Variants in ZPBP2 observed in about 807,000 individuals in gnomAD.
ZPBP2 encodes zona pellucida-binding protein 2.
ZPBP2 carries 34 observed loss-of-function variants against 37.5 expected under a neutral mutation model. The ratio of observed to expected loss-of-function variants is 0.91; its 90% CI spans 0.69 to 1.21. The LOEUF (loss-of-function observed/expected upper bound fraction) is 1.21. Ranked by LOEUF, ZPBP2 falls within the 50% of genes most tolerant of loss-of-function variation. The pLI, the probability that ZPBP2 is intolerant of heterozygous loss-of-function variation, is 0.00. For missense variants in ZPBP2, 397 were observed against 413.5 expected, an observed-to-expected ratio of 0.96 and a Z score of 0.35; for synonymous variants, 143 against 138.4, an observed-to-expected ratio of 1.03 and a Z score of -0.23.
chr17:39,875,639 C>T lies in ZPBP2; in HGVS notation c.889+205C>T, dbSNP rs1044899733. 2.6e-5 allele frequency among the ~76,000 whole-genome samples: 4 copies of T among 151,170 alleles called. No homozygotes were observed. The South Asian group carries it at 6.3e-4, about 24-fold the overall frequency. ...TTTGAGATAGAGTCTCACTCTTTCA[C>T]CCATGCTGGAGTGCAGTGGCGTCAT... On this transcript the variant is annotated intron_variant, in intron 7 of 7. Transcript: ENST00000348931.
chr17:39,875,209 C>A, intron 6 of ZPBP2, 45 bp from the exon 7 acceptor site: 1 of 1,559,528 alleles, frequency 6.4e-7, no homozygotes, highest in Non-Finnish European at 8.7e-7. Flanking sequence ...AAATTTGGTT[C>A]ATGGTTTAGT....
chr17:39,868,283 A>T lies in ZPBP2; in HGVS notation c.-72A>T. On this transcript the variant is annotated 5_prime_UTR_variant, in exon 1 of 8. Coordinates refer to ENST00000348931, the MANE Select transcript of ZPBP2 (RefSeq NM_199321.3). ...GCTCCGCACTGTGGAGGAGGTGGGG[A>T]GGTGTTGGGCCAGGGCTGAGGTAGG... 6.5e-7 allele frequency: 1 copy of T among 1,543,502 alleles called. No individual in the cohort carries two copies. The highest frequency in any genetic ancestry group is 8.8e-7 in the Non-Finnish European group (1 of 1,134,642).
At chr17:39,874,157 AATTTTTTGTGTTTTT>A (rs2144644565) in intron 6 of ZPBP2, among the ~76,000 whole-genome samples, 2 of 151,750 alleles carry the variant, frequency 1.3e-5, no homozygotes, top group South Asian at 4.2e-4. Context: ...ACACCCGGCT[AATTTTTTGTGTTTTT>A]ATCAGAGACG....
At chr17:39,876,524 C>T (rs374357260) in intron 7 of ZPBP2, among the ~76,000 whole-genome samples, 158 bp from the exon 8 acceptor site, 1 of 152,100 alleles carries the variant, frequency 6.6e-6, no homozygotes, top group South Asian at 2.1e-4. Flanking sequence ...ACATAATCTT[C>T]CACAACTTAA....
chr17:39,869,390 T>TTTCTTTCC (rs1555647286), intron 2 of ZPBP2, among the ~76,000 whole-genome samples: 3 of 135,608 alleles, frequency 2.2e-5, no homozygotes, highest in Non-Finnish European at 3.1e-5. Flanking sequence ...TCTTTCTTTC[T>TTTCTTTCC]TTCCTTCCTT....
At position 39,868,329 on chromosome 17, in the gene ZPBP2, C is replaced by T. The variant is rs2063344987; in HGVS notation, c.-26C>T. 2 of 1,605,454 alleles carry T rather than the reference C, an allele frequency of 1.2e-6. No individual in the cohort carries two copies. Among genetic ancestry groups the T allele is most frequent in the African/African-American group, 1.3e-5 (1 of 74,898 alleles). On this transcript the variant is annotated 5_prime_UTR_variant, in exon 1 of 8. Transcript: ENST00000348931. Reference sequence around the variant, plus strand: ...GTAGGAGGGAGTCTGTCCCTCGACGCCTCCTGCGACGCCAGCCCCTGAGCG... The same window carrying T: ...GTAGGAGGGAGTCTGTCCCTCGACGTCTCCTGCGACGCCAGCCCCTGAGCG...
At chr17:39,868,708 C>A in intron 2 of ZPBP2, 94 bp downstream of exon 2, 1 of 1,431,590 alleles carries the variant, frequency 7.0e-7, no homozygotes, top group Non-Finnish European at 9.8e-7. Context: ...GGGAACGAGC[C>A]AGCGTTTATT....
In ZPBP2 at chr17:39,870,692, A is replaced by G. The variant is rs769785750; in HGVS notation, c.119-2A>G. 3 of 1,395,242 alleles carry G rather than the reference A, an allele frequency of 2.2e-6. No individual in the cohort carries two copies. The highest frequency in any genetic ancestry group is 2.9e-6 in the Non-Finnish European group (3 of 1,039,242). The allele number at this position is 1,395,242 out of a possible 1,614,324, so 86.4% of individuals were successfully genotyped here. On this transcript the variant is annotated splice_acceptor_variant, in intron 2 of 7. Transcript: ENST00000348931. LOFTEE classifies it high-confidence loss of function. Reference sequence around the variant, plus strand: ...GTTATACATTATTTTATTTCATCACAGACAAAATATATGTAGAGTTACATC... The same window carrying G: ...GTTATACATTATTTTATTTCATCACGGACAAAATATATGTAGAGTTACATC...
At position 39,870,776 on chromosome 17, in the gene ZPBP2, C is replaced by A; in HGVS notation, c.201C>A (p.Asp67Glu). 6.4e-7 allele frequency: 1 copy of A among 1,567,476 alleles called. No homozygotes were observed. The highest frequency in any genetic ancestry group is 1.3e-5 in the African/African-American group (1 of 74,514). The stretch of plus-strand genomic sequence containing the variant: ...AGCTTTCTAAAAAAGAAATAGTGGA[C>A]CCCACCTACTTATGGATTGGGCCTA... ...DFKLSKKEIV[D>E]PTYLWIGPNE... is the part of the protein sequence containing the mutation. Residue 67 changes from aspartate (D) to glutamate (E), a missense_variant, in exon 3 of 8, where the codon GAC becomes GAA. Coordinates refer to ENST00000348931, the MANE Select transcript of ZPBP2 (RefSeq NM_199321.3).
rs745420240 is a variant in ZPBP2 at position 39,872,275 on chromosome 17, C to T, written c.412C>T (p.Arg138Trp). 61 of 1,581,834 alleles carry T rather than the reference C, an allele frequency of 3.9e-5. No homozygotes were observed. Among genetic ancestry groups the T allele is most frequent in the Non-Finnish European group, 5.0e-5 (58 of 1,167,660 alleles). Residue 138 changes from arginine to tryptophan, a missense_variant, in exon 5 of 8, where the codon CGG becomes TGG. By Grantham distance (101) the Arg-to-Trp change is moderately radical (BLOSUM62 -3). Coordinates refer to ENST00000348931, the MANE Select transcript of ZPBP2 (RefSeq NM_199321.3). ...TCTTTCTTTTTTTTTTAAAGCCTATCGGGAACCTGATTATTCATATCAGAT... is the reference window on the plus strand; with the variant it reads ...TCTTTCTTTTTTTTTTAAAGCCTATTGGGAACCTGATTATTCATATCAGAT... ...KRYDFMVFAY[R>W]EPDYSYQMAV...
intron 6 of ZPBP2, 85 bp downstream of exon 6, chr17:39,873,211 C>T (rs570144481): frequency 3.8e-4 from 457 of 1,190,942 alleles, no homozygotes; most frequent in Non-Finnish European, 3.1e-4. Flanking sequence ...TGCAGTGGTG[C>T]GACCATAGCT....
At chr17:39,873,428 G>A (rs545390264) in intron 6 of ZPBP2, among the ~76,000 whole-genome samples, 2 of 151,998 alleles carry the variant, frequency 1.3e-5, no homozygotes, top group Non-Finnish European at 2.9e-5. Flanking sequence ...TTTAAAAAAC[G>A]AATATAAAGT....
At position 39,875,417 on chromosome 17, in the gene ZPBP2, ATTGCGC is replaced by A. The variant is rs1568092503; in HGVS notation, c.874_879del (p.Cys292_Ala293del). ...GGAAAAAATGAACGTCTACACAGTA[ATTGCGC>A]TAGCTGTTGTGGTAACTATAAAATA... On this transcript the variant is annotated inframe_deletion, in exon 7 of 8. Coordinates refer to ENST00000348931, the MANE Select transcript of ZPBP2 (RefSeq NM_199321.3). 3 of 1,607,172 alleles carry A rather than the reference ATTGCGC, an allele frequency of 1.9e-6. No individual in the cohort carries two copies. Among genetic ancestry groups the A allele is most frequent in the Non-Finnish European group, 2.5e-6 (3 of 1,177,888 alleles).
chr17:39,868,730 A>T lies in ZPBP2; in HGVS notation c.118+116A>T, dbSNP rs559498288. ...AGCCAGCGTTTATTGAGCATCTATT[A>T]TACTAAGCATCTGCTTGGCAGTTCA... On this transcript the variant is annotated intron_variant, in intron 2 of 7. Coordinates refer to ENST00000348931, the MANE Select transcript of ZPBP2 (RefSeq NM_199321.3). The T allele has an allele frequency of 1.4e-4, 163 of 1,158,182 alleles. 1 individual carries two copies. In the African/African-American group the frequency reaches 2.3e-3, roughly 16 times the overall value. 71.7% of individuals were successfully genotyped at this position (1,158,182 alleles called of 1,614,324 possible). A position where few individuals can be genotyped will look rare whatever the true frequency, so the allele number is the denominator to read the frequency against.
intron 6 of ZPBP2, among the ~76,000 whole-genome samples, chr17:39,873,790 C>A (rs1170673171): frequency 1.3e-5 from 2 of 152,090 alleles, no homozygotes. Context: ...CTCCCCTCTA[C>A]CATCCTCAGA....
At chr17:39,870,878 C>A in intron 3 of ZPBP2, 59 bp downstream of exon 3, 1 of 1,299,450 alleles carries the variant, frequency 7.7e-7, no homozygotes, top group Non-Finnish European at 1.0e-6. Flanking sequence ...TAGAAAATCA[C>A]TGTTACTTAT....
intron 2 of ZPBP2, among the ~76,000 whole-genome samples, chr17:39,870,201 G>A (rs1481076885): frequency 1.3e-5 from 2 of 151,984 alleles, no homozygotes; most frequent in Admixed American, 6.6e-5. Context: ...ACATTACCAC[G>A]CCAAGCTAAG....
chr17:39,870,477 TATC>T (rs1400490212), intron 2 of ZPBP2, among the ~76,000 whole-genome samples: 12 of 152,098 alleles, frequency 7.9e-5, no homozygotes, highest in African/African-American at 2.7e-4. Context: ...TATGGAAAAA[TATC>T]ATGACTCGTG....
rs764620686 is a variant in ZPBP2, at chr17:39,873,127, G to A, written c.708+1G>A. 8.7e-6 allele frequency: 14 copies of A among 1,604,646 alleles called. No individual in the cohort carries two copies. The highest frequency in any genetic ancestry group is 1.2e-5 in the Non-Finnish European group (14 of 1,176,648). Reference sequence around the variant, plus strand: ...TACCACTAATCATAATATCCTCCAGGTGAGAATTTCATGGTAAGGAAGAAG... The same window carrying A: ...TACCACTAATCATAATATCCTCCAGATGAGAATTTCATGGTAAGGAAGAAG... On this transcript the variant is annotated splice_donor_variant, in intron 6 of 7. Coordinates refer to ENST00000348931, the MANE Select transcript of ZPBP2 (RefSeq NM_199321.3). LOFTEE classifies it high-confidence loss of function.
Sources: allele counts gnomAD v4.1 joint callset (sites outside exome capture counted in the v4.1 genomes callset), GRCh38; gene constraint gnomAD v4.1.1; transcripts MANE v1.5; gene names NCBI Gene and HGNC (gene_info 2026-07-23, HGNC 2026-07-21).